Variants in ADAMTSL3 observed in about 807,000 individuals in gnomAD.
ADAMTSL3 encodes the protein ADAMTS-like protein 3.
A neutral mutation model predicts 201.7 loss-of-function variants in ADAMTSL3; 128 were observed. That is an observed-to-expected ratio of 0.63 (90% CI 0.55 to 0.73). The LOEUF (loss-of-function observed/expected upper bound fraction) is 0.73. Ranked by LOEUF, ADAMTSL3 falls within the 30% of genes least tolerant of loss-of-function variation. The pLI is 0.00. For missense variants in ADAMTSL3, 1,990 were observed against 2,119.6 expected (o/e 0.94, Z 1.20); for synonymous variants, 738 against 748.4 (o/e 0.99, Z 0.23).
intron 6 of ADAMTSL3, among the ~76,000 whole-genome samples, chr15:83,825,551 C>T (rs572209860): frequency 4.0e-4 from 61 of 152,062 alleles, no homozygotes; most frequent in African/African-American, 1.4e-3. Context: ...TCCAGGTAGT[C>T]GAGGCTGCAC....
chr15:83,875,763 CAG>C (rs1177947732), intron 9 of ADAMTSL3, among the ~76,000 whole-genome samples: 1 of 151,928 alleles, frequency 6.6e-6, no homozygotes, highest in Non-Finnish European at 1.5e-5. Context: ...GGCCGGGTGA[CAG>C]AGCGAGACTT....
At chr15:83,861,881 T>C (rs930594755) in intron 8 of ADAMTSL3, 2 of 152,132 alleles carry the variant, frequency 1.3e-5, no homozygotes, top group Admixed American at 1.3e-4. Context: ...GAAAACAAAT[T>C]AGACGAATGG....
intron 29 of ADAMTSL3, 118 bp from the exon 30 acceptor site, chr15:84,037,582 A>C: frequency 8.5e-7 from 1 of 1,178,098 alleles, no homozygotes; most frequent in Non-Finnish European, 1.2e-6. Context: ...CCCTAACCCA[A>C]AGCTGGTTTC....
intron 20 of ADAMTSL3, among the ~76,000 whole-genome samples, chr15:83,973,342 A>G (rs940989684): frequency 3.3e-5 from 5 of 151,576 alleles, no homozygotes; most frequent in African/African-American, 9.7e-5. Flanking sequence ...TGCACTAGAA[A>G]CCTTAGCCGG....
chr15:83,906,037 CT>C (rs1470423405), intron 15 of ADAMTSL3, among the ~76,000 whole-genome samples: 1 of 152,046 alleles, frequency 6.6e-6, no homozygotes, highest in Non-Finnish European at 1.5e-5. Context: ...CCAACTGCCC[CT>C]AGCACTATCT....
chr15:83,851,261 G>C (rs1268607392), intron 7 of ADAMTSL3, among the ~76,000 whole-genome samples: 1 of 152,144 alleles, frequency 6.6e-6, no homozygotes, highest in Non-Finnish European at 1.5e-5. Context: ...CTTGTTCTTA[G>C]CTTTGCCTGG....
intron 3 of ADAMTSL3, among the ~76,000 whole-genome samples, chr15:83,744,980 G>T (rs896411112): frequency 2.0e-5 from 3 of 152,206 alleles, no homozygotes; most frequent in Non-Finnish European, 2.9e-5. Context: ...GTGAGAACAT[G>T]CATTCCTGTT....
At position 83,858,834 on chromosome 15, in the gene ADAMTSL3, C is replaced by A; in HGVS notation, c.796C>A (p.His266Asn). The change falls in exon 8 of 30, where the codon CAC becomes AAC. Residue 266 changes from histidine to asparagine, a missense_variant. Transcript: ENST00000286744. ...SVRITVKGPA[H>N]LFIESKTLQG... is the part of the protein sequence containing the mutation. Reference sequence around the variant, plus strand: ...GAGAATTACAGTGAAAGGACCTGCCCACCTCTGTAAGTAGAATTTAATCTT... The same window carrying A: ...GAGAATTACAGTGAAAGGACCTGCCAACCTCTGTAAGTAGAATTTAATCTT... 2 of 1,608,900 alleles carry A rather than the reference C, an allele frequency of 1.2e-6. No homozygotes were observed. The highest frequency in any genetic ancestry group is 2.2e-5 in the East Asian group (1 of 44,838).
intron 23 of ADAMTSL3, among the ~76,000 whole-genome samples, chr15:83,997,224 C>T (rs2067703691): frequency 6.6e-6 from 1 of 152,118 alleles, no homozygotes; most frequent in African/African-American, 2.4e-5. Context: ...GTTGGTTCTC[C>T]TGGGAGACAA....
chr15:83,681,721 T>G (rs1284588855), intron 2 of ADAMTSL3, among the ~76,000 whole-genome samples: 1 of 152,166 alleles, frequency 6.6e-6, no homozygotes, highest in African/African-American at 2.4e-5. Flanking sequence ...TCGACTTGCT[T>G]TCCCAATTTC....
intron 3 of ADAMTSL3, among the ~76,000 whole-genome samples, chr15:83,749,496 C>T (rs984782728): frequency 2.0e-5 from 3 of 152,102 alleles, no homozygotes; most frequent in Admixed American, 2.0e-4. Flanking sequence ...ATGGACAGAA[C>T]AATTGGACTG....
In ADAMTSL3 at chr15:83,890,208, C is replaced by T; in HGVS notation, c.1172C>T (p.Pro391Leu). ...HYYPENVKPK[P>L]KLKECSMDPC... ...TACCCTGAAAATGTAAAACCAAAACCAAAACTGAAGGAATGCAGCATGGAT... is the reference window on the plus strand; with the variant it reads ...TACCCTGAAAATGTAAAACCAAAACTAAAACTGAAGGAATGCAGCATGGAT... The change falls in exon 11 of 30, where the codon CCA (proline) becomes CTA (leucine). Residue 391 changes from proline to leucine, a missense_variant. Physicochemically the swap from Pro to Leu is moderately conservative, Grantham distance 98. Transcript: ENST00000286744. 6.2e-7 allele frequency: 1 copy of T among 1,613,922 alleles called. No individual in the cohort carries two copies. Among genetic ancestry groups the T allele is most frequent in the African/African-American group, 1.3e-5 (1 of 74,994 alleles).
chr15:83,976,459 A>G (rs1315445231), intron 20 of ADAMTSL3, among the ~76,000 whole-genome samples: 1 of 152,008 alleles, frequency 6.6e-6, no homozygotes, highest in African/African-American at 2.4e-5. Flanking sequence ...CATTAAATGT[A>G]TTGTGTACTT....
At chr15:83,853,942 A>G (rs1179111038) in intron 7 of ADAMTSL3, among the ~76,000 whole-genome samples, 2 of 151,012 alleles carry the variant, frequency 1.3e-5, no homozygotes. Context: ...CTATCTATCT[A>G]TCTATCTATC....
intron 5 of ADAMTSL3, among the ~76,000 whole-genome samples, chr15:83,817,494 C>T (rs2063788069): frequency 1.3e-5 from 2 of 152,038 alleles, no homozygotes; most frequent in African/African-American, 2.4e-5. Flanking sequence ...GAAACCTGAA[C>T]GGGAAATATT....
At chr15:83,829,127 A>T (rs1352759481) in intron 6 of ADAMTSL3, among the ~76,000 whole-genome samples, 3 of 152,098 alleles carry the variant, frequency 2.0e-5, no homozygotes, top group South Asian at 2.1e-4. Context: ...GTACCTCTGG[A>T]AGAATTCGGC....
At position 83,672,583 on chromosome 15, in the gene ADAMTSL3, C is replaced by T. The variant is rs139241624; in HGVS notation, c.69+16753C>T. 2.4e-4 allele frequency among the ~76,000 whole-genome samples: 37 copies of T among 152,288 alleles called. 1 individual carries two copies. In the East Asian group the frequency reaches 6.9e-3, roughly 29 times the overall value. On this transcript the variant is annotated intron_variant, in intron 2 of 29. Coordinates refer to ENST00000286744, the MANE Select transcript of ADAMTSL3 (RefSeq NM_207517.3). ...TGGAGGAAAGTTGCCCATTTGTTGG[C>T]AGTCATTTGTAATCATTATTCCTCC...
At chr15:83,952,636 A>G (rs1049014598) in intron 19 of ADAMTSL3, among the ~76,000 whole-genome samples, 2 of 152,000 alleles carry the variant, frequency 1.3e-5, no homozygotes, top group African/African-American at 4.8e-5. Flanking sequence ...TTTAGTGCAT[A>G]TATGTTTACA....
chr15:83,843,752 G>T (rs549841410), intron 7 of ADAMTSL3, among the ~76,000 whole-genome samples: 1 of 152,284 alleles, frequency 6.6e-6, no homozygotes, highest in East Asian at 1.9e-4. Flanking sequence ...ACTGGAGAAT[G>T]TGCACAAGGC....
Sources: gnomAD v4.1 joint callset for allele counts (sites outside exome capture counted in the v4.1 genomes callset) on GRCh38, gnomAD v4.1.1 for gene constraint, MANE v1.5 for transcripts, NCBI Gene and HGNC (gene_info 2026-07-23, HGNC 2026-07-21) for gene names.